Variants in CMTM8 observed in about 807,000 individuals in gnomAD.
CMTM8 encodes CKLF like MARVEL transmembrane domain containing 8.
CMTM8 carries 12 observed loss-of-function variants against 18.6 expected under a neutral mutation model. That is an observed-to-expected ratio of 0.65 (90% CI 0.41 to 1.05). The LOEUF (loss-of-function observed/expected upper bound fraction) is 1.05. Ranked by LOEUF, CMTM8 falls within the 50% of genes least tolerant of loss-of-function variation. The pLI, the probability that CMTM8 is intolerant of heterozygous loss-of-function variation, is 0.00. For synonymous variants in CMTM8, 87 were observed against 90.6 expected, an observed-to-expected ratio of 0.96 and a Z score of 0.23; for missense variants, 217 against 227.2, an observed-to-expected ratio of 0.95 and a Z score of 0.29.
chr3:32,252,747 G>T (rs530206292), intron 1 of CMTM8, among the ~76,000 whole-genome samples: 1 of 152,128 alleles, frequency 6.6e-6, no homozygotes, highest in African/African-American at 2.4e-5. Context: ...TTGAATATGG[G>T]TGGTTTTCAT....
intron 1 of CMTM8, among the ~76,000 whole-genome samples, chr3:32,243,189 A>G (rs1253120276): frequency 1.3e-5 from 2 of 151,542 alleles, no homozygotes; most frequent in Non-Finnish European, 2.9e-5. Context: ...CACCTCACCT[A>G]ACCAAAATAA....
chr3:32,252,237 C>T (rs1255208266), intron 1 of CMTM8, among the ~76,000 whole-genome samples: 1 of 152,208 alleles, frequency 6.6e-6, no homozygotes, highest in Admixed American at 6.5e-5. Flanking sequence ...AGAACTATTT[C>T]TTAACCCTAT....
chr3:32,331,296 A>G (rs1337613181), intron 1 of CMTM8, among the ~76,000 whole-genome samples: 1 of 152,248 alleles, frequency 6.6e-6, no homozygotes, highest in Admixed American at 6.5e-5. Context: ...GATGGCCACT[A>G]TCAAATAAAC....
intron 1 of CMTM8, among the ~76,000 whole-genome samples, chr3:32,283,182 G>A (rs1702631958): frequency 1.3e-5 from 2 of 152,130 alleles, no homozygotes; most frequent in Admixed American, 1.3e-4. Flanking sequence ...TGCTTAGGGG[G>A]AGCATGATAA....
intron 1 of CMTM8, among the ~76,000 whole-genome samples, chr3:32,294,134 C>A (rs1409496409): frequency 3.3e-5 from 5 of 152,132 alleles, no homozygotes; most frequent in African/African-American, 1.2e-4. Flanking sequence ...TCTTGCCTAT[C>A]CCATAGGTGA....
At chr3:32,244,934 G>C (rs1701990732) in intron 1 of CMTM8, among the ~76,000 whole-genome samples, 1 of 152,190 alleles carries the variant, frequency 6.6e-6, no homozygotes, top group Non-Finnish European at 1.5e-5. Flanking sequence ...TCAGTAGTAT[G>C]AGCCTTTTAA....
intron 1 of CMTM8, among the ~76,000 whole-genome samples, chr3:32,328,505 G>T (rs146400614): frequency 1.6e-5 from 2 of 128,910 alleles, no homozygotes; most frequent in Non-Finnish European, 3.4e-5. Context: ...AGCTCTGATC[G>T]TGCCACTGCA....
intron 1 of CMTM8, among the ~76,000 whole-genome samples, chr3:32,320,246 A>G (rs952404163): frequency 2.6e-5 from 4 of 152,242 alleles, no homozygotes; most frequent in African/African-American, 9.6e-5. Flanking sequence ...CACCTGATGA[A>G]TCTATAAACA....
intron 1 of CMTM8, among the ~76,000 whole-genome samples, chr3:32,324,894 A>C (rs1349405504): frequency 6.6e-6 from 1 of 152,266 alleles, no homozygotes; most frequent in Non-Finnish European, 1.5e-5. Flanking sequence ...GAAAAGTAAC[A>C]TAAGGGGAGA....
chr3:32,346,340 A>G (rs1301165770), intron 1 of CMTM8, among the ~76,000 whole-genome samples: 1 of 152,228 alleles, frequency 6.6e-6, no homozygotes, highest in Non-Finnish European at 1.5e-5. Flanking sequence ...GTGAGCTGTC[A>G]TCTTCTGATT....
chr3:32,339,255 G>C (rs1696446686), intron 1 of CMTM8, among the ~76,000 whole-genome samples: 1 of 152,188 alleles, frequency 6.6e-6, no homozygotes, highest in Non-Finnish European at 1.5e-5. Context: ...TTGTCACAGT[G>C]CCGGTCTTTA....
chr3:32,336,762 G>T lies in CMTM8; in HGVS notation c.148-20611G>T, dbSNP rs545624112. Among the ~76,000 whole-genome samples the T allele has an allele frequency of 2.0e-5, 3 of 152,252 alleles. No homozygotes were observed. In the East Asian group the frequency reaches 5.8e-4, roughly 29 times the overall value. Reference sequence around the variant, plus strand: ...TCCTGTAAGCCTTTATCTCAGTTCTGTTCCTTGGGAGATAGCGTTCATTTT... The same window carrying T: ...TCCTGTAAGCCTTTATCTCAGTTCTTTTCCTTGGGAGATAGCGTTCATTTT... On this transcript the variant is annotated intron_variant, in intron 1 of 3. Transcript: ENST00000307526.
intron 1 of CMTM8, among the ~76,000 whole-genome samples, chr3:32,331,268 T>G (rs1696268466): frequency 6.6e-6 from 1 of 152,172 alleles, no homozygotes; most frequent in Non-Finnish European, 1.5e-5. Context: ...TAATGAGCTA[T>G]TACCTCACAC....
intron 1 of CMTM8, among the ~76,000 whole-genome samples, chr3:32,326,565 G>T (rs1018389979): frequency 6.8e-6 from 1 of 146,940 alleles, no homozygotes; most frequent in Non-Finnish European, 1.5e-5. Flanking sequence ...CGCCCAGGCT[G>T]GAGTGCAGTG....
chr3:32,364,009 T>A (rs1387212001), intron 2 of CMTM8, among the ~76,000 whole-genome samples: 1 of 152,164 alleles, frequency 6.6e-6, no homozygotes, highest in Non-Finnish European at 1.5e-5. Context: ...CACCAATGTG[T>A]GGTAATAGGG....
intron 1 of CMTM8, among the ~76,000 whole-genome samples, chr3:32,313,314 A>G (rs182583338): frequency 3.9e-5 from 6 of 152,188 alleles, no homozygotes; most frequent in African/African-American, 7.2e-5. Context: ...GGCCTTGGAA[A>G]TTTCATGCTA....
chr3:32,292,871 A>G (rs1702804067), intron 1 of CMTM8, among the ~76,000 whole-genome samples: 1 of 152,154 alleles, frequency 6.6e-6, no homozygotes, highest in South Asian at 2.1e-4. Flanking sequence ...CTTTATGCAA[A>G]TAGAGGCAAA....
intron 1 of CMTM8, among the ~76,000 whole-genome samples, chr3:32,323,327 C>A (rs1696092828): frequency 6.6e-6 from 1 of 152,168 alleles, no homozygotes; most frequent in Non-Finnish European, 1.5e-5. Flanking sequence ...GAGCAAGCAG[C>A]AGCAGTGAAA....
chr3:32,259,968 A>G (rs1302249974), intron 1 of CMTM8: 18 of 1,128,834 alleles, frequency 1.6e-5, no homozygotes, highest in South Asian at 3.9e-5. Context: ...ATCCTGCTGC[A>G]CCTGGAGTCA....
Sources: allele counts gnomAD v4.1 joint callset (sites outside exome capture counted in the v4.1 genomes callset), GRCh38; gene constraint gnomAD v4.1.1; transcripts MANE v1.5; gene names NCBI Gene and HGNC (gene_info 2026-07-23, HGNC 2026-07-21).